Variants in FMR1NB observed in about 807,000 individuals in gnomAD.
The protein encoded by FMR1NB is FMR1 neighbor protein.
A neutral mutation model predicts 16.8 loss-of-function variants in FMR1NB; 10 were observed. That is an observed-to-expected ratio of 0.60 (90% confidence interval 0.37 to 1.01). FMR1NB has a LOEUF of 1.01. Ranked by LOEUF, FMR1NB falls within the 50% of genes least tolerant of loss-of-function variation. The pLI is 0.01. For missense variants in FMR1NB, 205 were observed against 204.8 expected (o/e 1.00, Z 0.00); for synonymous variants, 83 against 79.1 (o/e 1.05, Z -0.26).
chrX:148,017,447 G>C (rs1435085350), intron 4 of FMR1NB, among the ~76,000 whole-genome samples: 1 of 110,527 alleles, frequency 9.0e-6, no homozygotes, highest in African/African-American at 3.3e-5. Context: ...TTATTGCTTT[G>C]AACAAACTTT....
At chrX:148,022,788 G>A (rs1191657321) in intron 4 of FMR1NB, among the ~76,000 whole-genome samples, 1 of 111,541 alleles carries the variant, frequency 9.0e-6, no homozygotes, top group East Asian at 2.8e-4. Context: ...AGGCCGTGTT[G>A]CTTTTTTGTT....
At chrX:147,988,854 A>G (rs148679613) in intron 1 of FMR1NB, among the ~76,000 whole-genome samples, 139 of 111,594 alleles carry the variant, frequency 1.2e-3, no homozygotes, top group Non-Finnish European at 3.9e-4. Flanking sequence ...TTTCAGCTCC[A>G]TCAGTTCATT....
chrX:148,014,889 C>T (rs2044642389), intron 4 of FMR1NB, among the ~76,000 whole-genome samples: 1 of 111,874 alleles, frequency 8.9e-6, no homozygotes, highest in Non-Finnish European at 1.9e-5. Context: ...AAGGAATCCA[C>T]CTGCCTTGGC....
At position 147,981,450 on chromosome X, in the gene FMR1NB, C is replaced by T. The variant is rs782366161; in HGVS notation, c.48C>T (p.His16=). Residue 16 remains histidine, a synonymous_variant, in exon 1 of 6, where the codon CAC becomes CAT. Coordinates refer to ENST00000370467, the MANE Select transcript of FMR1NB (RefSeq NM_152578.3). ...RKAKGRNRRS[H]RAMRVAHLEL... ...CGAAGGGGAGGAATAGGAGAAGTCA[C>T]CGTGCCATGCGTGTGGCTCACTTAG... is the stretch of plus-strand genomic sequence containing the variant. The T allele has an allele frequency of 6.0e-5, 72 of 1,209,600 alleles. No homozygotes were observed. Among genetic ancestry groups the T allele is most frequent in the Non-Finnish European group, 2.8e-5 (25 of 895,105 alleles).
At chrX:148,000,254 A>G (rs1557188558) in intron 1 of FMR1NB, among the ~76,000 whole-genome samples, 1 of 112,172 alleles carries the variant, frequency 8.9e-6, no homozygotes. Context: ...ATGAAGAAGC[A>G]AAAGATAAAG....
intron 4 of FMR1NB, among the ~76,000 whole-genome samples, chrX:148,022,915 G>T (rs1176759192): frequency 2.1e-4 from 23 of 111,842 alleles, no homozygotes; most frequent in Admixed American, 1.9e-3. Flanking sequence ...TTAGAAAAAA[G>T]CATAAGTTCT....
intron 4 of FMR1NB, among the ~76,000 whole-genome samples, chrX:148,013,576 T>C (rs1423207408): frequency 8.9e-6 from 1 of 112,404 alleles, no homozygotes; most frequent in African/African-American, 3.2e-5. Flanking sequence ...TGGATGTGTT[T>C]AAATTCTTTG....
intron 1 of FMR1NB, among the ~76,000 whole-genome samples, chrX:147,985,733 G>A (rs1025479902): frequency 4.5e-5 from 5 of 112,059 alleles, no homozygotes; most frequent in Non-Finnish European, 9.4e-5. Flanking sequence ...GGGCATTTGG[G>A]TTGGTTCCAA....
At chrX:148,017,538 C>CT (rs2044656030) in intron 4 of FMR1NB, among the ~76,000 whole-genome samples, 1 of 107,311 alleles carries the variant, frequency 9.3e-6, no homozygotes, top group Non-Finnish European at 1.9e-5. Flanking sequence ...CTTTTTTTTT[C>CT]TTTTTTTTAA....
At position 148,006,702 on chromosome X, in the gene FMR1NB, C is replaced by T. The variant is rs1557189124; in HGVS notation, c.398C>T (p.Thr133Ile). The T allele has an allele frequency of 8.3e-7, 1 of 1,197,764 alleles. No individual in the cohort carries two copies. The change falls in exon 3 of 6, where the codon ACT becomes ATT. Residue 133 changes from threonine (T) to isoleucine (I), a missense_variant and splice_region_variant. By Grantham distance (89) the Thr-to-Ile change is moderately conservative (BLOSUM62 -1). Transcript: ENST00000370467. Reference protein sequence around the residue: ...EALLNFFFPTTCNLRENQVAK... With the variant: ...EALLNFFFPTICNLRENQVAK... ...TTTCTTAAATTTCTGTTTTTAAAAGCTTGCAATCTGAGGGAAAATCAGGTG... is the reference window on the plus strand; with the variant it reads ...TTTCTTAAATTTCTGTTTTTAAAAGTTTGCAATCTGAGGGAAAATCAGGTG...
intron 4 of FMR1NB, among the ~76,000 whole-genome samples, chrX:148,023,814 T>A (rs988591016): frequency 3.0e-4 from 34 of 111,651 alleles, no homozygotes; most frequent in Non-Finnish European, 4.7e-4. Context: ...AAGGTTCCAG[T>A]CTGAAGGAAT....
At chrX:148,004,417 A>G (rs975323696) in intron 2 of FMR1NB, among the ~76,000 whole-genome samples, 1 of 112,294 alleles carries the variant, frequency 8.9e-6, no homozygotes, top group South Asian at 3.7e-4. Context: ...TATTTCTCCA[A>G]CCTGGTGCAG....
intron 1 of FMR1NB, among the ~76,000 whole-genome samples, chrX:148,002,650 T>G (rs1387948656): frequency 2.7e-5 from 3 of 112,163 alleles, no homozygotes; most frequent in African/African-American, 9.7e-5. Context: ...TCTGTGACAT[T>G]ATTAAAGATA....
At chrX:147,988,415 A>G (rs956151197) in intron 1 of FMR1NB, among the ~76,000 whole-genome samples, 2 of 111,510 alleles carry the variant, frequency 1.8e-5, no homozygotes, top group African/African-American at 6.5e-5. Flanking sequence ...AGGTAACCTG[A>G]CCTTTCTGTC....
At chrX:148,019,111 G>A (rs1358005529) in intron 4 of FMR1NB, among the ~76,000 whole-genome samples, 1 of 111,569 alleles carries the variant, frequency 9.0e-6, no homozygotes, top group African/African-American at 3.3e-5. Flanking sequence ...ATTTTAAATG[G>A]TATTAAATGT....
At chrX:148,002,439 T>G (rs782590456) in intron 1 of FMR1NB, among the ~76,000 whole-genome samples, 1 of 111,925 alleles carries the variant, frequency 8.9e-6, no homozygotes, top group Non-Finnish European at 1.9e-5. Flanking sequence ...CACCATGCCT[T>G]AAGAATTTAT....
intron 1 of FMR1NB, among the ~76,000 whole-genome samples, chrX:147,988,692 C>G (rs1273608032): frequency 9.0e-6 from 1 of 111,569 alleles, no homozygotes; most frequent in Non-Finnish European, 1.9e-5. Flanking sequence ...TTCTTGGAGG[C>G]TTTTTTCATT....
At chrX:148,024,680 TATG>T (rs2044694659) in intron 4 of FMR1NB, among the ~76,000 whole-genome samples, 182 bp from the exon 5 acceptor site, 1 of 112,054 alleles carries the variant, frequency 8.9e-6, no homozygotes, top group Non-Finnish European at 1.9e-5. Context: ...TAATGATGGT[TATG>T]ATGATCAATA....
At chrX:147,990,351 G>A (rs2044497996) in intron 1 of FMR1NB, among the ~76,000 whole-genome samples, 1 of 111,411 alleles carries the variant, frequency 9.0e-6, no homozygotes, top group Non-Finnish European at 1.9e-5. Flanking sequence ...AGATGAACAG[G>A]GTACCTCAGT....
Sources: gnomAD v4.1 joint callset for allele counts (sites outside exome capture counted in the v4.1 genomes callset) on GRCh38, gnomAD v4.1.1 for gene constraint, MANE v1.5 for transcripts, NCBI Gene and HGNC (gene_info 2026-07-23, HGNC 2026-07-21) for gene names.